LRRTM3: variants seen among roughly 807,000 people sequenced by gnomAD.
The protein encoded by LRRTM3 is leucine rich repeat transmembrane neuronal 3.
In LRRTM3, 24 loss-of-function variants were observed where a neutral mutation model predicts 44.7. That is an observed-to-expected ratio of 0.54 (90% CI 0.39 to 0.76). LRRTM3 has a LOEUF of 0.76. LRRTM3 is among the 30% of genes least tolerant of loss of function. The pLI is 0.00. For missense variants in LRRTM3, 587 were observed against 702.2 expected, an observed-to-expected ratio of 0.84 and a Z score of 1.85; for synonymous variants, 277 against 278.7, an observed-to-expected ratio of 0.99 and a Z score of 0.06.
At chr10:67,072,645 A>G (rs114683914) in intron 2 of LRRTM3, among the ~76,000 whole-genome samples, 2,005 of 152,242 alleles carry the variant, frequency 0.013, 47 homozygotes, top group African/African-American at 0.045. Context: ...CTATACTTGT[A>G]AGCCATGACA....
intron 2 of LRRTM3, among the ~76,000 whole-genome samples, chr10:67,035,583 C>A (rs893051541): frequency 1.3e-5 from 2 of 151,898 alleles, no homozygotes; most frequent in African/African-American, 4.8e-5. Flanking sequence ...ATTCCAAAAA[C>A]CCTATCAGAA....
chr10:67,048,260 G>T (rs1186708138), intron 2 of LRRTM3, among the ~76,000 whole-genome samples: 2 of 151,972 alleles, frequency 1.3e-5, no homozygotes, highest in Non-Finnish European at 2.9e-5. Flanking sequence ...AGAAAATTCT[G>T]CCCACTTTCT....
At chr10:67,059,432 T>G (rs943936136) in intron 2 of LRRTM3, among the ~76,000 whole-genome samples, 3 of 152,064 alleles carry the variant, frequency 2.0e-5, no homozygotes, top group African/African-American at 7.2e-5. Flanking sequence ...TGGAGGGGTA[T>G]TTGGGCACAG....
At position 67,100,460 on chromosome 10, in the gene LRRTM3, G is replaced by C. The variant is rs1858276256; in HGVS notation, c.*2664G>C. 6.6e-6 allele frequency among the ~76,000 whole-genome samples: 1 copy of C among 151,720 alleles called. No individual in the cohort carries two copies. The highest frequency in any genetic ancestry group is 6.6e-5 in the Admixed American group (1 of 15,166). ...GGGTGGTGACAATCTGAAAGACTGT[G>C]TCTGGAATCTTTATCACATATTTCC... On this transcript the variant is annotated 3_prime_UTR_variant, in exon 3 of 3. Transcript: ENST00000361320.
At chr10:66,988,957 C>T (rs560230558) in intron 2 of LRRTM3, among the ~76,000 whole-genome samples, 4 of 151,984 alleles carry the variant, frequency 2.6e-5, no homozygotes, top group East Asian at 3.9e-4. Flanking sequence ...CTTACACATC[C>T]GGGTGCTTCC....
At chr10:66,970,499 GGGT>G (rs1365024098) in intron 2 of LRRTM3, among the ~76,000 whole-genome samples, 4 of 124,730 alleles carry the variant, frequency 3.2e-5, no homozygotes, top group African/African-American at 1.1e-4. Context: ...CTATATTCTT[GGGT>G]GGGGGGGGGA....
chr10:66,960,871 G>C (rs1849071379), intron 2 of LRRTM3, among the ~76,000 whole-genome samples: 1 of 152,140 alleles, frequency 6.6e-6, no homozygotes, highest in Non-Finnish European at 1.5e-5. Context: ...AGAAGGAAAG[G>C]ATCTGTAGAA....
chr10:66,977,442 A>C (rs999294897), intron 2 of LRRTM3, among the ~76,000 whole-genome samples: 5 of 151,952 alleles, frequency 3.3e-5, no homozygotes, highest in African/African-American at 4.8e-5. Flanking sequence ...CTCAAAAAAA[A>C]AAAAAATGTA....
intron 2 of LRRTM3, among the ~76,000 whole-genome samples, chr10:67,044,153 A>G (rs1012079532): frequency 2.0e-5 from 3 of 151,918 alleles, no homozygotes; most frequent in Non-Finnish European, 2.9e-5. Context: ...GTTCACATGT[A>G]CCCCATGGCT....
chr10:67,093,629 T>C (rs914165626), intron 2 of LRRTM3, among the ~76,000 whole-genome samples: 2 of 151,784 alleles, frequency 1.3e-5, no homozygotes, highest in Non-Finnish European at 2.9e-5. Flanking sequence ...GACCAGTCAT[T>C]TTTTGGTGCA....
rs949717791 is a variant in LRRTM3, at chr10:67,011,044, T to C, written c.1536+82592T>C. On this transcript the variant is annotated intron_variant, in intron 2 of 2. Transcript: ENST00000361320. Reference sequence around the variant, plus strand: ...TAAGATTATTTGTCAACTATGTCAATATAGGCCAGGCGCGGTGGCTCACGC... The same window carrying C: ...TAAGATTATTTGTCAACTATGTCAACATAGGCCAGGCGCGGTGGCTCACGC... 5.9e-5 allele frequency among the ~76,000 whole-genome samples: 9 copies of C among 152,132 alleles called. No individual in the cohort carries two copies. The East Asian group carries it at 1.5e-3, about 26-fold the overall frequency.
At chr10:66,937,151 G>C (rs1264524847) in intron 2 of LRRTM3, among the ~76,000 whole-genome samples, 4 of 151,888 alleles carry the variant, frequency 2.6e-5, no homozygotes, top group Non-Finnish European at 5.9e-5. Flanking sequence ...TTCATGGAGA[G>C]ACAACTTTGT....
chr10:67,020,270 G>T lies in LRRTM3; in HGVS notation c.1537-77317G>T, dbSNP rs138739338. 5.2e-3 allele frequency among the ~76,000 whole-genome samples: 788 copies of T among 152,202 alleles called. 6 individuals carry two copies. The highest frequency in any genetic ancestry group is 0.01 in the Middle Eastern group (3 of 294). On this transcript the variant is annotated intron_variant, in intron 2 of 2. Transcript: ENST00000361320. ...AAGTAAAGAACTATTATGTGGGAGG[G>T]GAAGCAAGGGGTTGACAAGCGCTCA...
chr10:67,080,892 G>C (rs1409325861), intron 2 of LRRTM3, among the ~76,000 whole-genome samples: 4 of 149,820 alleles, frequency 2.7e-5, no homozygotes, highest in African/African-American at 9.9e-5. Context: ...CTGGGCGAGA[G>C]AGCGAGACTC....
chr10:66,988,037 A>G (rs1019678753), intron 2 of LRRTM3, among the ~76,000 whole-genome samples: 2 of 152,168 alleles, frequency 1.3e-5, no homozygotes, highest in Admixed American at 1.3e-4. Flanking sequence ...AATATAATTT[A>G]GTCTTTTTGT....
chr10:66,954,375 C>T (rs950130271), intron 2 of LRRTM3, among the ~76,000 whole-genome samples: 1 of 152,076 alleles, frequency 6.6e-6, no homozygotes, highest in African/African-American at 2.4e-5. Flanking sequence ...TTGCAGGGCT[C>T]CTCAGTGACT....
At chr10:67,035,649 A>G (rs1457161817) in intron 2 of LRRTM3, among the ~76,000 whole-genome samples, 1 of 152,212 alleles carries the variant, frequency 6.6e-6, no homozygotes, top group Non-Finnish European at 1.5e-5. Flanking sequence ...AAGAAATGCT[A>G]TCAGTTCACC....
intron 2 of LRRTM3, among the ~76,000 whole-genome samples, chr10:66,978,733 T>C (rs1377514231): frequency 6.7e-6 from 1 of 148,928 alleles, no homozygotes; most frequent in African/African-American, 2.4e-5. Context: ...TTACTAAACC[T>C]GTCACATTAT....
At chr10:67,019,613 A>T (rs1184057925) in intron 2 of LRRTM3, among the ~76,000 whole-genome samples, 1 of 152,240 alleles carries the variant, frequency 6.6e-6, no homozygotes, top group Non-Finnish European at 1.5e-5. Flanking sequence ...AAAGAGGTTG[A>T]GTAATTTGTT....
Sources: gnomAD v4.1 joint callset for allele counts (sites outside exome capture counted in the v4.1 genomes callset) on GRCh38, gnomAD v4.1.1 for gene constraint, MANE v1.5 for transcripts, NCBI Gene and HGNC (gene_info 2026-07-23, HGNC 2026-07-21) for gene names.